The following ZFP57 variants were observed in gnomAD, a reference collection of about 807,000 sequenced individuals.
ZFP57 encodes ZFP57 zinc finger protein.
A neutral mutation model predicts 15.8 loss-of-function variants in ZFP57; 12 were observed. The observed-to-expected ratio is 0.76, with a 90% CI of 0.49 to 1.23. The LOEUF is 1.23. ZFP57 is among the 50% of genes most tolerant of loss of function. The pLI is 0.00. For missense variants in ZFP57, 536 were observed against 654.9 expected (o/e 0.82, Z 1.98); for synonymous variants, 203 against 242.3 (o/e 0.84, Z 1.51).
At chr6:29,678,220 A>G (rs1383711289) in intron 1 of ZFP57, among the ~76,000 whole-genome samples, 1 of 152,252 alleles carries the variant, frequency 6.6e-6, no homozygotes, top group Non-Finnish European at 1.5e-5. Flanking sequence ...AAATCCAGAG[A>G]TAAACAATTC....
In ZFP57 at chr6:29,673,520, G is replaced by A. The variant is rs1405687782; in HGVS notation, c.591C>T (p.His197=). ...TGCAGCTGTTAGTCAGCTTGGGATTGTGAACAAACTGGTGGCTATAGAGGT... is the reference window on the plus strand; with the variant it reads ...TGCAGCTGTTAGTCAGCTTGGGATTATGAACAAACTGGTGGCTATAGAGGT... ...RSYLYSHQFV[H]NPKLTNSCSQ... The change falls in exon 5 of 5, where the codon CAC becomes CAT. Residue 197 remains histidine (H), a synonymous_variant. Transcript: ENST00000376883. This position sits in a 1 kb window ranked among gnomAD's most constrained non-coding sequence, Gnocchi z 4.7. 3.7e-6 allele frequency: 6 copies of A among 1,613,096 alleles called. No individual in the cohort carries two copies. Among genetic ancestry groups the A allele is most frequent in the South Asian group, 1.1e-5 (1 of 91,090 alleles).
chr6:29,674,586 G>A (rs115461959), intron 4 of ZFP57, among the ~76,000 whole-genome samples: 2,078 of 152,232 alleles, frequency 0.014, 20 homozygotes, highest in South Asian at 0.028. Flanking sequence ...GGTGAAAAGA[G>A]GTGTTATTAA....
intron 1 of ZFP57, among the ~76,000 whole-genome samples, chr6:29,678,407 A>G (rs994156872): frequency 6.6e-6 from 1 of 152,250 alleles, no homozygotes; most frequent in Non-Finnish European, 1.5e-5. Context: ...CTACTGTAGT[A>G]TAGCAGTTGC....
chr6:29,675,358 C>T (rs1248501335), intron 4 of ZFP57, 28 bp downstream of exon 4: 5 of 1,548,782 alleles, frequency 3.2e-6, no homozygotes, highest in African/African-American at 1.4e-5. Context: ...GGCCCTTTTC[C>T]CCTTCCTCCC....
At chr6:29,678,894 G>A (rs566727590) in intron 1 of ZFP57, among the ~76,000 whole-genome samples, 47 of 152,294 alleles carry the variant, frequency 3.1e-4, no homozygotes, top group South Asian at 1.0e-3. Context: ...TTAGCTGGGC[G>A]TGGTGGCACG....
In ZFP57 at chr6:29,676,095, A is replaced by AATAT. The variant is rs371757503; in HGVS notation, c.124-40_124-37dup. ...AGGAGAGACTCAAGAAGTTTATATA[A>AATAT]ATATATATGTGTGTGTGTGTGTGTG... On this transcript the variant is annotated intron_variant, in intron 2 of 4. Transcript: ENST00000376883. The AATAT allele has an allele frequency of 7.4e-6, 11 of 1,492,296 alleles. No individual in the cohort carries two copies. In the Admixed American group the frequency reaches 1.4e-4, roughly 19 times the overall value. 92.4% of individuals were successfully genotyped at this position (1,492,296 alleles called of 1,614,324 possible).
rs1454050371 is a variant in ZFP57, at chr6:29,675,869, G to C, written c.250+64C>G. 4 of 1,606,260 alleles carry C rather than the reference G, an allele frequency of 2.5e-6. No homozygotes were observed. In the African/African-American group the frequency reaches 4.0e-5, roughly 16 times the overall value. ...AATTGTAAGCTGATCTACCTGTCCA[G>C]GGAAACCAGATGTTCCAGGGCCCTT... is the stretch of plus-strand genomic sequence containing the variant. On this transcript the variant is annotated intron_variant, in intron 3 of 4. Coordinates refer to ENST00000376883, the MANE Select transcript of ZFP57 (RefSeq NM_001109809.5).
chr6:29,674,181 G>T (rs1219798163), intron 4 of ZFP57, among the ~76,000 whole-genome samples: 1 of 149,952 alleles, frequency 6.7e-6, no homozygotes, highest in Non-Finnish European at 1.5e-5. Flanking sequence ...AGAAGAAGAA[G>T]AAGGAAGAAG....
In ZFP57 at chr6:29,672,891, A is replaced by T; in HGVS notation, c.1220T>A (p.Leu407His). ...SYLSRHQKAH[L>H]TEPPNYCFHC... The stretch of plus-strand genomic sequence containing the variant: ...GAAGCAGTAGTTGGGCGGCTCTGTG[A>T]GGTGGGCCTTCTGGTGTCTGGAGAG... The change falls in exon 5 of 5, where the codon CTC becomes CAC. Residue 407 changes from leucine to histidine, a missense_variant. Coordinates refer to ENST00000376883, the MANE Select transcript of ZFP57 (RefSeq NM_001109809.5). 6.2e-7 allele frequency: 1 copy of T among 1,613,064 alleles called. No homozygotes were observed. Among genetic ancestry groups the T allele is most frequent in the Non-Finnish European group, 8.5e-7 (1 of 1,180,028 alleles).
rs1334830817 is a variant in ZFP57, at chr6:29,673,635, G to C, written c.476C>G (p.Thr159Ser). Residue 159 changes from threonine (T) to serine (S), a missense_variant, in exon 5 of 5, where the codon ACT (threonine) becomes AGT (serine). Physicochemically the swap from Thr to Ser is moderately conservative, Grantham distance 58 (BLOSUM62 1). Coordinates refer to ENST00000376883, the MANE Select transcript of ZFP57 (RefSeq NM_001109809.5). This position sits in a 1 kb window ranked among gnomAD's most constrained non-coding sequence, Gnocchi z 4.7. ...GQCPLSAPAG[T>S]MDRTRVLQAS... ...TTGAAGCACCCGGGTCCTGTCCATA[G>C]TCCCAGCTGGGGCAGATAGGGGGCA... 7.4e-6 allele frequency: 12 copies of C among 1,612,750 alleles called. No individual in the cohort carries two copies. The highest frequency in any genetic ancestry group is 1.0e-5 in the Non-Finnish European group (12 of 1,179,908).
chr6:29,674,212 AG>A (rs1376131201), intron 4 of ZFP57, among the ~76,000 whole-genome samples: 17 of 47,556 alleles, frequency 3.6e-4, no homozygotes, highest in African/African-American at 4.0e-4. Flanking sequence ...AAAGAAAAGA[AG>A]AAGAAGAAGA....
chr6:29,674,368 A>G (rs1262385606), intron 4 of ZFP57, among the ~76,000 whole-genome samples: 1 of 152,222 alleles, frequency 6.6e-6, no homozygotes, highest in Non-Finnish European at 1.5e-5. Flanking sequence ...GCTAGAAATA[A>G]GAAGAAAAAA....
Position 29,673,074 on chromosome 6 carries a change from G to T in ZFP57, c.1037C>A (p.Ser346Tyr). ...CACAGGTGCTTGGTTCTTAAGTACA[G>T]ATGCCTGGTTCTGGGCCATAGGACC... Reference protein sequence around the residue: ...TEGPMAQNQASVLKNQAPVTR... With the variant: ...TEGPMAQNQAYVLKNQAPVTR... Residue 346 changes from serine to tyrosine, a missense_variant, in exon 5 of 5, where the codon TCT becomes TAT. Transcript: ENST00000376883. This position sits in a 1 kb window ranked among gnomAD's most constrained non-coding sequence, Gnocchi z 4.7. 2 of 1,613,002 alleles carry T rather than the reference G, an allele frequency of 1.2e-6. No homozygotes were observed. Among genetic ancestry groups the T allele is most frequent in the South Asian group, 2.2e-5 (2 of 91,078 alleles).
At chr6:29,674,573 G>T (rs1771975332) in intron 4 of ZFP57, among the ~76,000 whole-genome samples, 1 of 152,158 alleles carries the variant, frequency 6.6e-6, no homozygotes, top group African/African-American at 2.4e-5. Flanking sequence ...TGGGCCACTT[G>T]AGGGTGAAAA....
chr6:29,675,089 G>A (rs899874155), intron 4 of ZFP57, among the ~76,000 whole-genome samples: 6 of 147,816 alleles, frequency 4.1e-5, no homozygotes, highest in Non-Finnish European at 8.9e-5. Flanking sequence ...GGAAGTGGAG[G>A]TTGCAGTAAG....
Position 29,673,008 on chromosome 6 carries a change from T to A in ZFP57, c.1103A>T (p.Asp368Val), listed in dbSNP as rs2535241. 35,838 of 1,612,974 alleles carry A rather than the reference T, an allele frequency of 0.022. 994 individuals are homozygous for A. Among genetic ancestry groups the A allele is most frequent in the African/African-American group, 0.14 (10,298 of 74,994 alleles). The change falls in exon 5 of 5, where the codon GAT (aspartate) becomes GTT (valine). Residue 368 changes from aspartate (D) to valine (V), a missense_variant. By Grantham distance (152) the Asp-to-Val change is radical. Transcript: ENST00000376883. The surrounding 1 kb of genome is among the most constrained non-coding windows in gnomAD (Gnocchi z 4.7). ...CACTGGATGAGAGTTGGATCTGGCA[T>A]CCTGACAGAGGGTTCCAGTGATGGG... ...QAPITGTLCQ[D>V]ARSNSHPVKP...
Position 29,677,315 on chromosome 6 carries a change from A to C in ZFP57, c.-312T>G. ...CACCAGCTGCCATTGTTTAGTAACA[A>C]CACCAGCCTGGGCTAGGTGTCTGCC... On this transcript the variant is annotated 5_prime_UTR_variant, in exon 2 of 5. Coordinates refer to ENST00000376883, the MANE Select transcript of ZFP57 (RefSeq NM_001109809.5). The C allele has an allele frequency of 2.2e-6, 1 of 454,008 alleles. No homozygotes were observed. Among genetic ancestry groups the C allele is most frequent in the Non-Finnish European group, 4.1e-6 (1 of 244,956 alleles). The allele number at this position is 454,008 out of a possible 1,614,324, so 28.1% of individuals were successfully genotyped here.
Position 29,673,849 on chromosome 6 carries a change from T to A in ZFP57, c.353-91A>T. On this transcript the variant is annotated intron_variant, in intron 4 of 4. Transcript: ENST00000376883. The surrounding 1 kb of genome is among the most constrained non-coding windows in gnomAD (Gnocchi z 4.7). ...TGGCTCACACCTGTAATCCCAGCAC[T>A]TTGGGAGGCCGAGGCCAGCGGATCA... The A allele has an allele frequency of 6.6e-7, 1 of 1,520,192 alleles. No individual in the cohort carries two copies. Among genetic ancestry groups the A allele is most frequent in the Non-Finnish European group, 9.1e-7 (1 of 1,099,714 alleles). The allele number at this position is 1,520,192 out of a possible 1,614,324, so 94.2% of individuals were successfully genotyped here. A position where few individuals can be genotyped will look rare whatever the true frequency, so the allele number is the denominator to read the frequency against.
intron 4 of ZFP57, among the ~76,000 whole-genome samples, chr6:29,675,151 CAAAAAAAA>C (rs11357168): frequency 2.4e-5 from 2 of 81,954 alleles, no homozygotes; most frequent in South Asian, 1.1e-3. Flanking sequence ...GACTGTGTCT[CAAAAAAAA>C]AAAAAAAAAA....
Sources: allele counts gnomAD v4.1 joint callset (sites outside exome capture counted in the v4.1 genomes callset), GRCh38; gene constraint gnomAD v4.1.1; non-coding constraint Gnocchi (gnomAD v3.1); transcripts MANE v1.5; gene names NCBI Gene and HGNC (gene_info 2026-07-23, HGNC 2026-07-21).